The following RHEBL1 variants were observed in gnomAD, a reference collection of about 807,000 sequenced individuals.
RHEBL1 encodes the protein RHEB like 1, also known as GTPase RhebL1.
A neutral mutation model predicts 27.4 loss-of-function variants in RHEBL1; 22 were observed. That is an observed-to-expected ratio of 0.80 (90% CI 0.57 to 1.15). The LOEUF (loss-of-function observed/expected upper bound fraction) is 1.15. Among genes scored for constraint, RHEBL1 ranks in the 50% most tolerant of loss-of-function variants. The pLI, the probability that RHEBL1 is intolerant of heterozygous loss-of-function variation, is 0.00. For synonymous variants in RHEBL1, 85 were observed against 80.8 expected (o/e 1.05, Z -0.28); for missense variants, 186 against 226.5 (o/e 0.82, Z 1.15).
In RHEBL1 at chr12:49,066,968, C is replaced by T; in HGVS notation, c.192G>A (p.Gln64=). The T allele has an allele frequency of 2.5e-6, 4 of 1,612,694 alleles. No homozygotes were observed. The highest frequency in any genetic ancestry group is 3.4e-6 in the Non-Finnish European group (4 of 1,178,664). Residue 64 remains glutamine (Q), a splice_region_variant and synonymous_variant, in exon 3 of 8, where the codon CAG becomes CAA. Coordinates refer to ENST00000301068, the MANE Select transcript of RHEBL1 (RefSeq NM_144593.3). The part of the protein sequence containing the change: ...FHLHLVDTAG[Q]DEYSILPYSF... ...TTGGATACCATACCCCAACTGGTAC[C>T]TGCCCTGCTGTGTCCACCAGATGTA...
intron 2 of RHEBL1, among the ~76,000 whole-genome samples, chr12:49,068,122 C>CTTTTTT (rs56250975): frequency 2.8e-5 from 4 of 144,924 alleles, no homozygotes; most frequent in Non-Finnish European, 3.0e-5. Context: ...TCTTTTTATT[C>CTTTTTT]TTTTTTTTTT....
Position 49,065,007 on chromosome 12 carries a change from G to T in RHEBL1, c.*96C>A. ...GTGTCCAGGGGCCAGGAACACAGCT[G>T]GCAACCATACCCGTGAAGTCCTGAG... On this transcript the variant is annotated 3_prime_UTR_variant, in exon 8 of 8. Transcript: ENST00000301068. 1.1e-6 allele frequency: 1 copy of T among 878,320 alleles called. No individual in the cohort carries two copies. 54.4% of individuals were successfully genotyped at this position (878,320 alleles called of 1,614,324 possible). A position where few individuals can be genotyped will look rare whatever the true frequency, so the allele number is the denominator to read the frequency against.
chr12:49,065,090 C>G lies in RHEBL1; in HGVS notation c.*13G>C. The G allele has an allele frequency of 6.2e-7, 1 of 1,603,792 alleles. No individual in the cohort carries two copies. Among genetic ancestry groups the G allele is most frequent in the Non-Finnish European group, 8.5e-7 (1 of 1,170,662 alleles). On this transcript the variant is annotated 3_prime_UTR_variant, in exon 8 of 8. Transcript: ENST00000301068. Reference sequence around the variant, plus strand: ...GGGGGCAGAAGCAAGGCAGTTACCCCACACCCAAGGGCTCACATGAGATGG... The same window carrying G: ...GGGGGCAGAAGCAAGGCAGTTACCCGACACCCAAGGGCTCACATGAGATGG...
In RHEBL1 at chr12:49,067,053, C is replaced by G; in HGVS notation, c.125-18G>C. On this transcript the variant is annotated intron_variant, in intron 2 of 7. Transcript: ENST00000301068. Reference sequence around the variant, plus strand: ...GCTGTAAGCTGAAAAGAAAAGAAAACTTGACTGTGAAGTGCCTTATAGGAC... The same window carrying G: ...GCTGTAAGCTGAAAAGAAAAGAAAAGTTGACTGTGAAGTGCCTTATAGGAC... 1 of 1,596,800 alleles carries G rather than the reference C, an allele frequency of 6.3e-7. No homozygotes were observed. Among genetic ancestry groups the G allele is most frequent in the Non-Finnish European group, 8.6e-7 (1 of 1,166,424 alleles).
At chr12:49,069,322 A>G (rs1306720322) in intron 1 of RHEBL1, 1 of 747,182 alleles carries the variant, frequency 1.3e-6, no homozygotes, top group Non-Finnish European at 2.1e-6. Flanking sequence ...GCGCAGCAGG[A>G]AGCCTTTCCC....
chr12:49,069,220 G>A (rs1314821292), intron 1 of RHEBL1, 114 bp from the exon 2 acceptor site: 1 of 1,573,720 alleles, frequency 6.4e-7, no homozygotes, highest in South Asian at 1.1e-5. Flanking sequence ...ACCACAGTCT[G>A]TGAGTGCCTC....
rs1938995310 is a variant in RHEBL1 at position 49,066,262 on chromosome 12, C to G, written c.349G>C (p.Val117Leu). 8 of 1,614,066 alleles carry G rather than the reference C, an allele frequency of 5.0e-6. No individual in the cohort carries two copies. Among genetic ancestry groups the G allele is most frequent in the Non-Finnish European group, 6.8e-6 (8 of 1,179,928 alleles). ...HGKTRVPVVL[V>L]GNKADLSPER... is the part of the protein sequence containing the mutation. The stretch of plus-strand genomic sequence containing the variant: ...GGAGAGAGATCTGCCTTGTTCCCCA[C>G]TAGAACCACTGGCACCCTGTGAGGA... The change falls in exon 6 of 8, where the codon GTG (valine) becomes CTG (leucine). Residue 117 changes from valine to leucine, a missense_variant. Physicochemically the swap from Val to Leu is conservative, Grantham distance 32. Coordinates refer to ENST00000301068, the MANE Select transcript of RHEBL1 (RefSeq NM_144593.3).
In RHEBL1 at chr12:49,065,385, C is replaced by T; in HGVS notation, c.427G>A (p.Ala143Thr). 2 of 1,614,210 alleles carry T rather than the reference C, an allele frequency of 1.2e-6. No individual in the cohort carries two copies. The highest frequency in any genetic ancestry group is 1.7e-6 in the Non-Finnish European group (2 of 1,180,040). ...CGAGCAGATGACTCCATAAATGTCG[C>T]ACCCCAGGACTCTGCCAGCTTCTTT... is the stretch of plus-strand genomic sequence containing the variant. Reference protein sequence around the residue: ...EGKKLAESWGATFMESSAREN... With the variant: ...EGKKLAESWGTTFMESSAREN... Residue 143 changes from alanine (A) to threonine (T), a missense_variant, in exon 7 of 8, where the codon GCG becomes ACG. Ala to Thr is a moderately conservative substitution (Grantham distance 58). Around this residue, in one of 3 missense-constraint regions of RHEBL1, gnomAD observed 90 missense variants for 95.2 expected, o/e 0.95. Coordinates refer to ENST00000301068, the MANE Select transcript of RHEBL1 (RefSeq NM_144593.3).
chr12:49,065,552 T>C, intron 6 of RHEBL1, 121 bp from the exon 7 acceptor site: 2 of 778,248 alleles, frequency 2.6e-6, no homozygotes, highest in Admixed American at 3.9e-5. Flanking sequence ...TGCAGCACTT[T>C]GGGAGGCCGA....
At position 49,066,492 on chromosome 12, in the gene RHEBL1, C is replaced by T; in HGVS notation, c.316G>A (p.Gly106Ser). Residue 106 changes from glycine (G) to serine (S), a missense_variant, in exon 5 of 8, where the codon GGC becomes AGC. This residue lies in a region of RHEBL1 where 34 missense variants were observed against 69.3 expected (regional missense o/e 0.49). Coordinates refer to ENST00000301068, the MANE Select transcript of RHEBL1 (RefSeq NM_144593.3). ...GCCACTTACCGGGTTTTCCCATGGCCTTCATGTAGCTTTTGGTACAGACTC... is the reference window on the plus strand; with the variant it reads ...GCCACTTACCGGGTTTTCCCATGGCTTTCATGTAGCTTTTGGTACAGACTC... ...IESLYQKLHE[G>S]HGKTRVPVVL... 1 of 1,614,162 alleles carries T rather than the reference C, an allele frequency of 6.2e-7. No individual in the cohort carries two copies.
In RHEBL1 at chr12:49,064,864, A is replaced by C. The variant is rs1310697652; in HGVS notation, c.*239T>G. 1.9e-6 allele frequency: 1 copy of C among 537,762 alleles called. No individual in the cohort carries two copies. The highest frequency in any genetic ancestry group is 3.4e-6 in the Non-Finnish European group (1 of 297,908). The allele number at this position is 537,762 out of a possible 1,614,324, so 33.3% of individuals were successfully genotyped here. A position where few individuals can be genotyped will look rare whatever the true frequency, so the allele number is the denominator to read the frequency against. Reference sequence around the variant, plus strand: ...CCATAGGTTATAACAGAATTCATCAAACAAAAACAGAGGGCTAGAGGCCAG... The same window carrying C: ...CCATAGGTTATAACAGAATTCATCACACAAAAACAGAGGGCTAGAGGCCAG... On this transcript the variant is annotated 3_prime_UTR_variant, in exon 8 of 8. Coordinates refer to ENST00000301068, the MANE Select transcript of RHEBL1 (RefSeq NM_144593.3).
intron 1 of RHEBL1, among the ~76,000 whole-genome samples, chr12:49,069,465 C>T (rs1012029384): frequency 5.4e-5 from 8 of 147,338 alleles, no homozygotes; most frequent in Admixed American, 2.0e-4. Context: ...TGTGACCCCA[C>T]CCCTATCCCC....
intron 2 of RHEBL1, among the ~76,000 whole-genome samples, chr12:49,068,429 C>CT (rs56316449): frequency 0.027 from 2,653 of 99,606 alleles, 331 homozygotes; most frequent in African/African-American, 0.061. Flanking sequence ...CGGTGCCCAG[C>CT]TTTTTTTTTT....
In RHEBL1 at chr12:49,066,951, C is replaced by T. The variant is rs1195266065; in HGVS notation, c.192+17G>A. ...GGGCTGAACTGCCACATTTGGATAC[C>T]ATACCCCAACTGGTACCTGCCCTGC... On this transcript the variant is annotated intron_variant, in intron 3 of 7. Transcript: ENST00000301068. 6.2e-7 allele frequency: 1 copy of T among 1,606,042 alleles called. No individual in the cohort carries two copies. The highest frequency in any genetic ancestry group is 1.7e-5 in the Admixed American group (1 of 59,998).
Position 49,069,914 on chromosome 12 carries a change from A to G in RHEBL1, c.-129T>C. The G allele has an allele frequency of 1.3e-6, 1 of 763,540 alleles. No homozygotes were observed. 47.3% of individuals were successfully genotyped at this position (763,540 alleles called of 1,614,324 possible). Reference sequence around the variant, plus strand: ...ACCCCGAAGCTGCCGTGGGCAAGTTAGAAGGAAACCAAAACAAGCGCCGCG... The same window carrying G: ...ACCCCGAAGCTGCCGTGGGCAAGTTGGAAGGAAACCAAAACAAGCGCCGCG... On this transcript the variant is annotated 5_prime_UTR_variant, in exon 1 of 8. Coordinates refer to ENST00000301068, the MANE Select transcript of RHEBL1 (RefSeq NM_144593.3).
Position 49,069,891 on chromosome 12 carries a change from C to A in RHEBL1, c.-106G>T. ...CAGCTGGTGCAGGAAAGTCGCTCAC[C>A]CCGAAGCTGCCGTGGGCAAGTTAGA... is the stretch of plus-strand genomic sequence containing the variant. On this transcript the variant is annotated 5_prime_UTR_variant, in exon 1 of 8. Transcript: ENST00000301068. 2 of 944,718 alleles carry A rather than the reference C, an allele frequency of 2.1e-6. No individual in the cohort carries two copies. The highest frequency in any genetic ancestry group is 3.3e-6 in the Non-Finnish European group (2 of 597,146). 58.5% of individuals were successfully genotyped at this position (944,718 alleles called of 1,614,324 possible). A position where few individuals can be genotyped will look rare whatever the true frequency, so the allele number is the denominator to read the frequency against.
At chr12:49,066,188 C>G in intron 6 of RHEBL1, 43 bp downstream of exon 6, 1 of 1,525,824 alleles carries the variant, frequency 6.6e-7, no homozygotes, top group East Asian at 2.3e-5. Context: ...GATTCCCAGT[C>G]CATTTCACTT....
chr12:49,065,357 T>C lies in RHEBL1; in HGVS notation c.455A>G (p.Glu152Gly), dbSNP rs776831669. The change falls in exon 7 of 8, where the codon GAG (glutamate) becomes GGG (glycine). Residue 152 changes from glutamate (E) to glycine (G), a missense_variant. Physicochemically the swap from Glu to Gly is moderately conservative, Grantham distance 98 (BLOSUM62 -2). Around this residue, in one of 3 missense-constraint regions of RHEBL1, gnomAD observed 90 missense variants for 95.2 expected, o/e 0.95. Coordinates refer to ENST00000301068, the MANE Select transcript of RHEBL1 (RefSeq NM_144593.3). ...GATFMESSAR[E>G]NQLTQGIFTK... is the part of the protein sequence containing the mutation. Reference sequence around the variant, plus strand: ...AGTCTTCAGGCCCAGCACCTGATTCTCTCGAGCAGATGACTCCATAAATGT... The same window carrying C: ...AGTCTTCAGGCCCAGCACCTGATTCCCTCGAGCAGATGACTCCATAAATGT... 1.2e-6 allele frequency: 2 copies of C among 1,614,116 alleles called. No individual in the cohort carries two copies. The highest frequency in any genetic ancestry group is 2.2e-5 in the South Asian group (2 of 91,086).
At position 49,066,280 on chromosome 12, in the gene RHEBL1, T is replaced by G. The variant is rs1411071945; in HGVS notation, c.333-2A>C. The stretch of plus-strand genomic sequence containing the variant: ...TTCCCCACTAGAACCACTGGCACCC[T>G]GTGAGGAAACAGCAGTTACTTCAGA... On this transcript the variant is annotated splice_acceptor_variant, in intron 5 of 7. Coordinates refer to ENST00000301068, the MANE Select transcript of RHEBL1 (RefSeq NM_144593.3). LOFTEE classifies it high-confidence loss of function. 2.5e-6 allele frequency: 4 copies of G among 1,613,630 alleles called. No individual in the cohort carries two copies. Among genetic ancestry groups the G allele is most frequent in the Non-Finnish European group, 3.4e-6 (4 of 1,179,674 alleles).
Sources: gnomAD v4.1 joint callset for allele counts (sites outside exome capture counted in the v4.1 genomes callset) on GRCh38, gnomAD v4.1.1 for gene constraint, gnomAD v4.1.1 regional missense constraint, MANE v1.5 for transcripts, NCBI Gene and HGNC (gene_info 2026-07-23, HGNC 2026-07-21) for gene names.